The following FAM47E variants were observed in gnomAD, a reference collection of about 807,000 sequenced individuals.
FAM47E encodes family with sequence similarity 47 member E.
Under a neutral mutation model 41.6 loss-of-function variants are expected in FAM47E, and 32 were observed. That is an observed-to-expected ratio of 0.77 (90% CI 0.58 to 1.03). The LOEUF is 1.03. Among genes scored for constraint, FAM47E ranks in the 50% least tolerant of loss-of-function variants. FAM47E has a pLI of 0.00. For missense variants in FAM47E, 424 were observed against 485.4 expected (o/e 0.87, Z 1.19); for synonymous variants, 184 against 188.7 (o/e 0.98, Z 0.20).
intron 1 of FAM47E, among the ~76,000 whole-genome samples, chr4:76,254,363 T>A (rs901496694): frequency 6.6e-6 from 1 of 152,124 alleles, no homozygotes; most frequent in Admixed American, 6.5e-5. Flanking sequence ...GTAAAGACAT[T>A]TAATATGGAG....
chr4:76,268,756 T>A lies in FAM47E; in HGVS notation c.657T>A (p.Gly219=). 1 of 1,551,514 alleles carries A rather than the reference T, an allele frequency of 6.4e-7. No individual in the cohort carries two copies. The highest frequency in any genetic ancestry group is 8.7e-7 in the Non-Finnish European group (1 of 1,146,938). ...DLLHENGPRP[G]LHENGISDID... ...TCCATGAAAATGGTCCTCGTCCTGGTCTTCATGAAAATGTATGCAAAGCAG... is the reference window on the plus strand; with the variant it reads ...TCCATGAAAATGGTCCTCGTCCTGGACTTCATGAAAATGTATGCAAAGCAG... The change falls in exon 4 of 8, where the codon GGT becomes GGA. Residue 219 remains glycine (G), a synonymous_variant. Coordinates refer to ENST00000424749, the MANE Select transcript of FAM47E (RefSeq NM_001136570.3).
intron 2 of FAM47E, among the ~76,000 whole-genome samples, chr4:76,242,588 A>C (rs12640477): frequency 6.6e-6 from 1 of 152,194 alleles, no homozygotes; most frequent in Non-Finnish European, 1.5e-5. Flanking sequence ...TGTGCTAGGC[A>C]CTTGGCTAAA....
At chr4:76,246,916 A>G (rs191542253), upstream of FAM47E, among the ~76,000 whole-genome samples, 214 of 152,002 alleles carry the variant, frequency 1.4e-3, no homozygotes, top group Middle Eastern at 6.8e-3. Flanking sequence ...TTTTTTTGGT[A>G]TTTTTTACAA....
Position 76,265,424 on chromosome 4 carries a change from A to G in FAM47E, c.560+1581A>G, listed in dbSNP as rs138724800. On this transcript the variant is annotated intron_variant, in intron 3 of 7. Coordinates refer to ENST00000424749, the MANE Select transcript of FAM47E (RefSeq NM_001136570.3). ...GGCTGCTGTTATCAGTGAAGGGGAT[A>G]TTTTGGCTACTGTCTTTGCTCTCTG... is the stretch of plus-strand genomic sequence containing the variant. Among the ~76,000 whole-genome samples the G allele has an allele frequency of 7.5e-4, 114 of 152,240 alleles. 1 individual carries two copies. The East Asian group carries it at 0.02, about 27-fold the overall frequency.
At chr4:76,258,977 G>A (rs192396509) in intron 2 of FAM47E, among the ~76,000 whole-genome samples, 5 of 152,308 alleles carry the variant, frequency 3.3e-5, no homozygotes, top group Non-Finnish European at 4.4e-5. Flanking sequence ...CCAGAAACAT[G>A]GTAAAGTGTT....
chr4:76,240,614 T>G (rs1733689846), intron 2 of FAM47E, among the ~76,000 whole-genome samples: 1 of 152,188 alleles, frequency 6.6e-6, no homozygotes, highest in Admixed American at 6.5e-5. Flanking sequence ...TCAATAATTT[T>G]CCTTGTCCTT....
chr4:76,281,195 A>G (rs1735331885), intron 7 of FAM47E: 2 of 152,230 alleles, frequency 1.3e-5, no homozygotes. Context: ...GTTTCTGGAA[A>G]TGGGAGATTT....
intron 6 of FAM47E, 154 bp from the exon 7 acceptor site, chr4:76,280,110 T>C: frequency 7.9e-6 from 4 of 506,790 alleles, no homozygotes; most frequent in Non-Finnish European, 1.4e-5. Flanking sequence ...TTCATATTCA[T>C]CAACTCATGA....
chr4:76,247,373 G>A (rs1322172858), upstream of FAM47E, among the ~76,000 whole-genome samples: 2 of 151,870 alleles, frequency 1.3e-5, no homozygotes, highest in African/African-American at 4.8e-5. Flanking sequence ...ATCACTTTTT[G>A]GCTATTGTGA....
At chr4:76,224,811 T>G (rs1733367181) in intron 2 of FAM47E, among the ~76,000 whole-genome samples, 1 of 152,060 alleles carries the variant, frequency 6.6e-6, no homozygotes, top group Admixed American at 6.6e-5. Flanking sequence ...CATGGAAAAG[T>G]TCTTTAGTGG....
At chr4:76,221,966 T>C (rs778770507) in intron 2 of FAM47E, among the ~76,000 whole-genome samples, 7 of 152,188 alleles carry the variant, frequency 4.6e-5, no homozygotes, top group Admixed American at 6.5e-5. Context: ...TGTTGTGGAA[T>C]TCATCCCAAA....
chr4:76,260,368 A>G (rs1347544612), intron 2 of FAM47E, among the ~76,000 whole-genome samples: 1 of 152,210 alleles, frequency 6.6e-6, no homozygotes, highest in Admixed American at 6.5e-5. Flanking sequence ...AAATATGCCT[A>G]TAGATTAATG....
intron 2 of FAM47E, among the ~76,000 whole-genome samples, chr4:76,262,769 GT>G (rs912344140): frequency 1.3e-5 from 2 of 151,952 alleles, no homozygotes; most frequent in African/African-American, 4.8e-5. Context: ...ATTGTTTTTT[GT>G]TTGTTTTTTT....
intron 5 of FAM47E, among the ~76,000 whole-genome samples, chr4:76,273,998 G>T (rs541204909): frequency 6.6e-6 from 1 of 151,722 alleles, no homozygotes; most frequent in African/African-American, 2.4e-5. Context: ...CACCTTTTGC[G>T]CATAAAAAAC....
upstream of FAM47E, among the ~76,000 whole-genome samples, chr4:76,250,189 T>C (rs1733921942): frequency 6.6e-6 from 1 of 152,134 alleles, no homozygotes; most frequent in African/African-American, 2.4e-5. Flanking sequence ...AGCGTAAAAG[T>C]GTTCTCTTTT....
At chr4:76,224,560 A>T (rs6848690) in intron 2 of FAM47E, among the ~76,000 whole-genome samples, 40,675 of 151,786 alleles carry the variant, frequency 0.27, 5,859 homozygotes, top group African/African-American at 0.39. Context: ...ATAACTTTTT[A>T]AAAAATCCTT....
intron 2 of FAM47E, among the ~76,000 whole-genome samples, chr4:76,238,964 C>T (rs576059572): frequency 6.6e-6 from 1 of 152,274 alleles, no homozygotes; most frequent in Non-Finnish European, 1.5e-5. Context: ...ACTCTAAGTA[C>T]CTCATATAGG....
intron 2 of FAM47E, among the ~76,000 whole-genome samples, chr4:76,260,850 C>T (rs1025487142): frequency 1.3e-5 from 2 of 151,966 alleles, no homozygotes; most frequent in South Asian, 2.1e-4. Flanking sequence ...TTATAAGGAA[C>T]GTAAACAATT....
chr4:76,270,310 G>A (rs1210225380), intron 4 of FAM47E, among the ~76,000 whole-genome samples: 1 of 152,150 alleles, frequency 6.6e-6, no homozygotes, highest in Non-Finnish European at 1.5e-5. Context: ...AAAAGTCCAG[G>A]AATTACTCTC....
Sources: gnomAD v4.1 joint callset for allele counts (sites outside exome capture counted in the v4.1 genomes callset) on GRCh38, gnomAD v4.1.1 for gene constraint, MANE v1.5 for transcripts, NCBI Gene and HGNC (gene_info 2026-07-23, HGNC 2026-07-21) for gene names.